The following ZNF607 variants were observed in gnomAD, a reference collection of about 807,000 sequenced individuals.
ZNF607 encodes zinc finger protein 607.
Under a neutral mutation model 12.8 loss-of-function variants are expected in ZNF607, and 5 were observed. That is an observed-to-expected ratio of 0.39 (90% confidence interval 0.20 to 0.82). The LOEUF (loss-of-function observed/expected upper bound fraction) is 0.82, where lower values mean the gene tolerates loss of function less well. ZNF607 is among the 40% of genes least tolerant of loss of function. ZNF607 has a pLI of 0.39. For missense variants in ZNF607, 851 were observed against 859.2 expected, an observed-to-expected ratio of 0.99 and a Z score of 0.12; for synonymous variants, 287 against 276.2, an observed-to-expected ratio of 1.04 and a Z score of -0.39.
intron 4 of ZNF607, 78 bp from the exon 5 acceptor site, chr19:37,699,973 C>T (rs894532396): frequency 1.2e-5 from 15 of 1,275,996 alleles, no homozygotes; most frequent in Non-Finnish European, 1.6e-5. Flanking sequence ...AAATTCTCAC[C>T]TATTACAGAT....
chr19:37,718,890 T>A (rs2045200099), intron 1 of ZNF607: 1 of 152,222 alleles, frequency 6.6e-6, no homozygotes, highest in Non-Finnish European at 1.5e-5. Context: ...CCAATGTCTG[T>A]TACCCACTGC....
At chr19:37,704,813 C>T (rs546378732) in intron 4 of ZNF607, among the ~76,000 whole-genome samples, 3 of 125,864 alleles carry the variant, frequency 2.4e-5, no homozygotes, top group East Asian at 2.0e-4. Context: ...AAAAATTAGT[C>T]GGGCATGGTG....
At chr19:37,701,783 G>A (rs1003136256) in intron 4 of ZNF607, among the ~76,000 whole-genome samples, 4 of 152,196 alleles carry the variant, frequency 2.6e-5, no homozygotes, top group African/African-American at 9.7e-5. Context: ...TGTCATGCTA[G>A]CTAATATGAT....
chr19:37,710,062 G>C (rs1463629823), intron 2 of ZNF607, among the ~76,000 whole-genome samples: 1 of 152,216 alleles, frequency 6.6e-6, no homozygotes, highest in Non-Finnish European at 1.5e-5. Flanking sequence ...GGCTGAGATA[G>C]GGGAATCACT....
rs760104289 is a variant in ZNF607, at chr19:37,699,058, A to C, written c.1073T>G (p.Phe358Cys). 8.1e-6 allele frequency: 13 copies of C among 1,613,882 alleles called. No individual in the cohort carries two copies. The highest frequency in any genetic ancestry group is 1.0e-5 in the Non-Finnish European group (12 of 1,179,994). ...CTTATAAGGTTTCTCAACACTTTCA[A>C]ATGTATGAGGTGCAGTAAGTTGATG... ...SGHQLTAPHT[F>C]ESVEKPYKCE... Residue 358 changes from phenylalanine to cysteine, a missense_variant, in exon 5 of 5, where the codon TTT becomes TGT. Coordinates refer to ENST00000355202, the MANE Select transcript of ZNF607 (RefSeq NM_032689.5).
chr19:37,716,737 T>C (rs1254135846), intron 1 of ZNF607, among the ~76,000 whole-genome samples: 1 of 152,164 alleles, frequency 6.6e-6, no homozygotes, highest in Non-Finnish European at 1.5e-5. Context: ...GGGAGTGAAA[T>C]TTTTGTGACG....
intron 4 of ZNF607, 48 bp from the exon 5 acceptor site, chr19:37,699,943 T>C (rs759072768): frequency 1.4e-6 from 2 of 1,399,980 alleles, no homozygotes; most frequent in Admixed American, 2.7e-5. Flanking sequence ...AAAATGTCAA[T>C]GTTATTGTAG....
rs565308927 is a variant in ZNF607 at position 37,697,838 on chromosome 19, T to G, written c.*202A>C. The stretch of plus-strand genomic sequence containing the variant: ...AAATACATTATAAATTCTCTGAATC[T>G]GAGTTAACACAGGTCATACCAAAGA... On this transcript the variant is annotated 3_prime_UTR_variant, in exon 5 of 5. Transcript: ENST00000355202. 2.2e-6 allele frequency: 1 copy of G among 458,488 alleles called. No individual in the cohort carries two copies. The highest frequency in any genetic ancestry group is 3.8e-6 in the Non-Finnish European group (1 of 263,490). 28.4% of individuals were successfully genotyped at this position (458,488 alleles called of 1,614,324 possible).
At chr19:37,700,951 A>G (rs545185836) in intron 4 of ZNF607, among the ~76,000 whole-genome samples, 1 of 152,324 alleles carries the variant, frequency 6.6e-6, no homozygotes, top group East Asian at 1.9e-4. Context: ...GAAAGTATTA[A>G]AAACAGTGAA....
At chr19:37,709,983 C>T (rs2045119159) in intron 2 of ZNF607, among the ~76,000 whole-genome samples, 161 bp from the exon 3 acceptor site, 1 of 151,580 alleles carries the variant, frequency 6.6e-6, no homozygotes, top group African/African-American at 2.4e-5. Context: ...GGTGAAACCC[C>T]GTCTCTACTA....
In ZNF607 at chr19:37,702,876, A is replaced by T. The variant is rs1013696121; in HGVS notation, c.236-2981T>A. On this transcript the variant is annotated intron_variant, in intron 4 of 4. Coordinates refer to ENST00000355202, the MANE Select transcript of ZNF607 (RefSeq NM_032689.5). ...ATGTATATTGTATACTATAATACCT[A>T]TAACACTACCTAAAATAAATTACTC... Among the ~76,000 whole-genome samples, 56 of 152,342 alleles carry T rather than the reference A, an allele frequency of 3.7e-4. 1 individual carries two copies. Among genetic ancestry groups the T allele is most frequent in the Non-Finnish European group, 1.0e-4 (7 of 68,034 alleles).
intron 3 of ZNF607, 126 bp downstream of exon 3, chr19:37,709,570 T>A: frequency 1.8e-6 from 2 of 1,113,266 alleles, no homozygotes; most frequent in Non-Finnish European, 2.5e-6. Flanking sequence ...ACCACCTCAA[T>A]AGAAATAGAG....
chr19:37,701,469 C>T (rs576693084), intron 4 of ZNF607, among the ~76,000 whole-genome samples: 2 of 152,304 alleles, frequency 1.3e-5, no homozygotes, highest in African/African-American at 2.4e-5. Context: ...CCCTGTCATT[C>T]TCTTTAAATT....
At position 37,698,040 on chromosome 19, in the gene ZNF607, T is replaced by G. The variant is rs201183760; in HGVS notation, c.2091A>C (p.Ter697CysextTer1). ...ACCTGTATATGCCACAATTTCTCTA[T>G]CAAATATGAATTCTCTGATGTACTT... Reference protein sequence around the residue: ...ILEVHQRIHI* With the variant: ...ILEVHQRIHIC The change falls in exon 5 of 5, where the codon TGA becomes TGC. Residue 697 changes from the stop codon to cysteine, a stop_lost. Transcript: ENST00000355202. 204 of 1,579,188 alleles carry G rather than the reference T, an allele frequency of 1.3e-4. No homozygotes were observed. Among genetic ancestry groups the G allele is most frequent in the Admixed American group, 2.2e-4 (12 of 54,422 alleles).
chr19:37,716,150 G>A (rs1320090931), intron 1 of ZNF607, among the ~76,000 whole-genome samples: 1 of 152,194 alleles, frequency 6.6e-6, no homozygotes, highest in Non-Finnish European at 1.5e-5. Context: ...TGTGATTCAT[G>A]AAAGGGGTAG....
rs1381307019 is a variant in ZNF607 at position 37,698,745 on chromosome 19, T to C, written c.1386A>G (p.Ser462=). 1.9e-6 allele frequency: 3 copies of C among 1,613,390 alleles called. No homozygotes were observed. The highest frequency in any genetic ancestry group is 1.1e-5 in the South Asian group (1 of 91,076). ...GAATTCTCTCATGTATAACAAGATA[T>C]GAGGCACAACGAAAGGACTTCCCAC... ...KECGKSFRCA[S]YLVIHERIHT... is the part of the protein sequence containing the mutation. Residue 462 remains serine, a synonymous_variant, in exon 5 of 5, where the codon TCA becomes TCG. Transcript: ENST00000355202.
At chr19:37,718,571 T>A (rs2045197695) in intron 1 of ZNF607, among the ~76,000 whole-genome samples, 2 of 152,138 alleles carry the variant, frequency 1.3e-5, no homozygotes. Context: ...CACTCGAAAC[T>A]GACAAACCCT....
chr19:37,717,784 C>A (rs1163659593), intron 1 of ZNF607, among the ~76,000 whole-genome samples: 2 of 110,212 alleles, frequency 1.8e-5, no homozygotes, highest in African/African-American at 7.2e-5. Context: ...CCAGCCTGGG[C>A]AACAAGAGCG....
chr19:37,716,340 C>G (rs1436576193), intron 1 of ZNF607, among the ~76,000 whole-genome samples: 1 of 152,150 alleles, frequency 6.6e-6, no homozygotes, highest in Non-Finnish European at 1.5e-5. Context: ...TATGCTGACT[C>G]AGGTAGACTG....
Sources: gnomAD v4.1 joint callset for allele counts (sites outside exome capture counted in the v4.1 genomes callset) on GRCh38, gnomAD v4.1.1 for gene constraint, MANE v1.5 for transcripts, NCBI Gene and HGNC (gene_info 2026-07-23, HGNC 2026-07-21) for gene names.